CLEC16A: variants seen among roughly 807,000 people sequenced by gnomAD.
CLEC16A encodes protein CLEC16A.
A neutral mutation model predicts 109.5 loss-of-function variants in CLEC16A; 51 were observed. The ratio of observed to expected loss-of-function variants is 0.47; its 90% confidence interval spans 0.37 to 0.59. CLEC16A has a LOEUF of 0.59. Ranked by LOEUF, CLEC16A falls within the 20% of genes least tolerant of loss-of-function variation. The pLI is 0.00. For missense variants in CLEC16A, 1,339 were observed against 1,394.0 expected (o/e 0.96, Z 0.63); for synonymous variants, 673 against 564.2 (o/e 1.19, Z -2.73).
intron 3 of CLEC16A, among the ~76,000 whole-genome samples, chr16:10,965,242 CT>C (rs1338439987): frequency 1.3e-5 from 2 of 152,030 alleles, no homozygotes; most frequent in Non-Finnish European, 1.5e-5. Flanking sequence ...TTTATAAGCC[CT>C]GCAAAAAGGG....
intron 18 of CLEC16A, among the ~76,000 whole-genome samples, chr16:11,060,564 C>T (rs1215253426): frequency 3.3e-5 from 5 of 152,124 alleles, no homozygotes; most frequent in Admixed American, 1.3e-4. Context: ...CTCAGCTGCC[C>T]GGTCTGTGAA....
At chr16:11,134,204 T>G (rs1446912165) in intron 22 of CLEC16A, among the ~76,000 whole-genome samples, 2 of 127,548 alleles carry the variant, frequency 1.6e-5, no homozygotes, top group Non-Finnish European at 3.4e-5. Context: ...TTTTTTTTTT[T>G]GAAAGAAGGG....
chr16:11,065,670 A>C (rs1286729214), intron 19 of CLEC16A, among the ~76,000 whole-genome samples: 1 of 152,260 alleles, frequency 6.6e-6, no homozygotes, highest in Non-Finnish European at 1.5e-5. Context: ...GCTGGAGAAT[A>C]ACCAGGAGGA....
intron 21 of CLEC16A, among the ~76,000 whole-genome samples, chr16:11,124,290 A>G (rs1229878162): frequency 6.6e-6 from 1 of 152,178 alleles, no homozygotes; most frequent in African/African-American, 2.4e-5. Flanking sequence ...CCGATCCTTA[A>G]AACAACTCTG....
At chr16:10,946,856 G>A (rs1385351287) in intron 1 of CLEC16A, among the ~76,000 whole-genome samples, 2 of 152,216 alleles carry the variant, frequency 1.3e-5, no homozygotes, top group African/African-American at 4.8e-5. Flanking sequence ...GGGGGCTTCA[G>A]TGACTTGCCC....
chr16:11,005,519 C>T (rs927110839), intron 11 of CLEC16A, among the ~76,000 whole-genome samples: 2 of 152,176 alleles, frequency 1.3e-5, no homozygotes, highest in Non-Finnish European at 2.9e-5. Flanking sequence ...TTCTTGAGCA[C>T]ATTAGTCATT....
intron 3 of CLEC16A, among the ~76,000 whole-genome samples, chr16:10,964,147 A>G (rs930483384): frequency 6.6e-6 from 1 of 152,218 alleles, no homozygotes; most frequent in African/African-American, 2.4e-5. Flanking sequence ...TCCTCTGGCC[A>G]AGAGGGAGAG....
rs200111349 is a variant in CLEC16A at position 11,178,285 on chromosome 16, G to A, written c.2807-50G>A. ...ATGGGAGCACAGGGCGCAGTGCGACGGGGTGTCTCAAGGGCTCAGTGTGTT... is the reference window on the plus strand; with the variant it reads ...ATGGGAGCACAGGGCGCAGTGCGACAGGGTGTCTCAAGGGCTCAGTGTGTT... On this transcript the variant is annotated intron_variant, in intron 23 of 23. Transcript: ENST00000409790. The surrounding 1 kb of genome is among the most constrained non-coding windows in gnomAD (Gnocchi z 6.5). 15 of 1,506,466 alleles carry A rather than the reference G, an allele frequency of 1.0e-5. No homozygotes were observed. Among genetic ancestry groups the A allele is most frequent in the Middle Eastern group, 3.5e-4 (2 of 5,756 alleles). The allele number at this position is 1,506,466 out of a possible 1,614,324, so 93.3% of individuals were successfully genotyped here.
At chr16:11,106,513 G>A (rs904479298) in intron 19 of CLEC16A, among the ~76,000 whole-genome samples, 8 of 145,588 alleles carry the variant, frequency 5.5e-5, no homozygotes, top group African/African-American at 2.1e-4. Context: ...GGCGAGAATA[G>A]CTCTGGCTAT....
intron 19 of CLEC16A, among the ~76,000 whole-genome samples, chr16:11,068,787 A>G (rs985107209): frequency 3.9e-5 from 6 of 152,178 alleles, no homozygotes; most frequent in Admixed American, 2.6e-4. Flanking sequence ...CCACAGATTG[A>G]AAACATTTCT....
At chr16:11,014,471 C>G (rs1349068785) in intron 11 of CLEC16A, among the ~76,000 whole-genome samples, 1 of 152,114 alleles carries the variant, frequency 6.6e-6, no homozygotes, top group Non-Finnish European at 1.5e-5. Flanking sequence ...TACAAGTGGG[C>G]TGCTAGGTTG....
intron 22 of CLEC16A, chr16:11,126,514 G>T (rs1274502365): frequency 6.7e-6 from 6 of 894,804 alleles, no homozygotes; most frequent in African/African-American, 1.7e-5. Flanking sequence ...GAGTGTGTTT[G>T]GTTCCGGTTA....
intron 19 of CLEC16A, among the ~76,000 whole-genome samples, chr16:11,109,918 G>C (rs1479566410): frequency 2.0e-5 from 3 of 152,230 alleles, no homozygotes; most frequent in African/African-American, 7.2e-5. Context: ...AATTCTGCTG[G>C]CCTGGATATC....
At chr16:10,949,315 G>A (rs1054777777) in intron 1 of CLEC16A, among the ~76,000 whole-genome samples, 1 of 152,074 alleles carries the variant, frequency 6.6e-6, no homozygotes, top group Admixed American at 6.5e-5. Flanking sequence ...ACTATGTCAC[G>A]TCTAAGTTCT....
intron 19 of CLEC16A, among the ~76,000 whole-genome samples, chr16:11,085,977 G>A (rs950807489): frequency 3.9e-5 from 6 of 152,264 alleles, no homozygotes; most frequent in South Asian, 4.1e-4. Context: ...GAGGCCTCTC[G>A]GGTCTTCAGC....
chr16:11,020,359 C>T, intron 12 of CLEC16A, 34 bp downstream of exon 12: 1 of 1,575,416 alleles, frequency 6.3e-7, no homozygotes, highest in Non-Finnish European at 8.6e-7. Flanking sequence ...TGAGTGCTCT[C>T]TCAGGGAAGA....
intron 1 of CLEC16A, among the ~76,000 whole-genome samples, chr16:10,947,852 T>G (rs1228830544): frequency 6.6e-6 from 1 of 152,026 alleles, no homozygotes; most frequent in Non-Finnish European, 1.5e-5. Context: ...AATTATTTAT[T>G]TATTATTATT....
At chr16:11,070,349 C>T (rs981428083) in intron 19 of CLEC16A, among the ~76,000 whole-genome samples, 3 of 151,588 alleles carry the variant, frequency 2.0e-5, no homozygotes, top group South Asian at 2.1e-4. Flanking sequence ...AGATTACAGG[C>T]GTGAGCCACT....
At chr16:11,166,249 C>G in intron 22 of CLEC16A, 139 bp from the exon 23 acceptor site, 1 of 890,838 alleles carries the variant, frequency 1.1e-6, no homozygotes, top group Non-Finnish European at 1.6e-6. Context: ...AGGGCCACGA[C>G]CAGTGAGGTC....
Sources: gnomAD v4.1 joint callset for allele counts (sites outside exome capture counted in the v4.1 genomes callset) on GRCh38, gnomAD v4.1.1 for gene constraint, Gnocchi (gnomAD v3.1) non-coding constraint, MANE v1.5 for transcripts, NCBI Gene and HGNC (gene_info 2026-07-23, HGNC 2026-07-21) for gene names.